NT5DC3: variants seen among roughly 807,000 people sequenced by gnomAD.
NT5DC3 encodes the protein 5'-nucleotidase domain containing 3.
Under a neutral mutation model 67.8 loss-of-function variants are expected in NT5DC3, and 42 were observed. The ratio of observed to expected loss-of-function variants is 0.62; its 90% CI spans 0.48 to 0.80. NT5DC3 has a LOEUF of 0.80. NT5DC3 is among the 30% of genes least tolerant of loss of function. The pLI is 0.00. For missense variants in NT5DC3, 570 were observed against 696.4 expected (o/e 0.82, Z 2.04); for synonymous variants, 237 against 255.6 (o/e 0.93, Z 0.69).
chr12:103,831,007 G>C (rs116019718), intron 1 of NT5DC3, among the ~76,000 whole-genome samples: 169 of 152,298 alleles, frequency 1.1e-3, no homozygotes, highest in African/African-American at 4.0e-3. Flanking sequence ...TATTTATCCA[G>C]AGAGTTTGCA....
At chr12:103,824,710 G>A (rs959237893) in intron 1 of NT5DC3, among the ~76,000 whole-genome samples, 5 of 113,818 alleles carry the variant, frequency 4.4e-5, no homozygotes, top group African/African-American at 9.2e-5. Context: ...ACACAATAAA[G>A]GCAATGAGCA....
the NT5DC3 span, chr12:103,759,013 C>A: frequency 6.5e-7 from 1 of 1,531,414 alleles, no homozygotes; most frequent in Non-Finnish European, 9.0e-7. Context: ...TCCTGATCTC[C>A]ACATGGAGGC....
intron 1 of NT5DC3, among the ~76,000 whole-genome samples, chr12:103,837,613 T>G (rs1888206001): frequency 6.6e-6 from 1 of 152,212 alleles, no homozygotes; most frequent in Non-Finnish European, 1.5e-5. Flanking sequence ...AAGTTCAAAG[T>G]TCCACAAATC....
At chr12:103,758,131 C>G in the NT5DC3 span, 58 of 1,612,874 alleles carry the variant, frequency 3.6e-5, no homozygotes, top group Non-Finnish European at 4.4e-5. Context: ...CCCTGCACAC[C>G]AGGGCTGGCC....
the NT5DC3 span, among the ~76,000 whole-genome samples, chr12:103,749,841 C>CAAAAAAAAAAAAAA: frequency 6.5e-4 from 33 of 51,160 alleles, 1 homozygote; most frequent in Admixed American, 1.0e-3. Flanking sequence ...CTCTGTCTCA[C>CAAAAAAAAAAAAAA]AAAAAAAAAA....
At chr12:103,749,120 G>A in the NT5DC3 span, 1 of 1,610,126 alleles carries the variant, frequency 6.2e-7, no homozygotes, top group Non-Finnish European at 8.5e-7. Context: ...TTAACGGAGG[G>A]TGTCACGAGC....
At chr12:103,749,006 G>A in the NT5DC3 span, 56 of 1,613,988 alleles carry the variant, frequency 3.5e-5, no homozygotes, top group Non-Finnish European at 4.6e-5. Flanking sequence ...GTGCAAAGGT[G>A]GCCAGATGCT....
At chr12:103,766,030 TGAA>T (rs1201997474), downstream of NT5DC3, 10 of 639,378 alleles carry the variant, frequency 1.6e-5, no homozygotes, top group Non-Finnish European at 2.6e-5. Flanking sequence ...CCTTTGTAGA[TGAA>T]GAAACTGCAG....
intron 2 of NT5DC3, among the ~76,000 whole-genome samples, chr12:103,811,497 T>C (rs995941643): frequency 3.3e-5 from 5 of 151,968 alleles, no homozygotes; most frequent in Non-Finnish European, 7.4e-5. Context: ...AGGCTAATCA[T>C]AAGGAAAACG....
chr12:103,750,704 C>T, the NT5DC3 span: 20 of 1,613,508 alleles, frequency 1.2e-5, no homozygotes, highest in Middle Eastern at 1.6e-4. Context: ...CCAAATGTGT[C>T]GACCTCCACT....
At chr12:103,806,815 A>G in intron 3 of NT5DC3, 40 bp downstream of exon 3, 1 of 1,231,018 alleles carries the variant, frequency 8.1e-7, no homozygotes, top group Non-Finnish European at 1.2e-6. Context: ...TCATTTCCAA[A>G]CATCATTAAA....
Position 103,836,743 on chromosome 12 carries a change from T to G in NT5DC3, c.208+4206A>C, listed in dbSNP as rs563908464. On this transcript the variant is annotated intron_variant, in intron 1 of 13. Coordinates refer to ENST00000392876, the MANE Select transcript of NT5DC3 (RefSeq NM_001031701.3). ...TATCGGCATGACATCCAGGTCACACTGATGCAAGAGGTGGGTTCCCATGCT... is the reference window on the plus strand; with the variant it reads ...TATCGGCATGACATCCAGGTCACACGGATGCAAGAGGTGGGTTCCCATGCT... Among the ~76,000 whole-genome samples, 8 of 152,308 alleles carry G rather than the reference T, an allele frequency of 5.3e-5. No individual in the cohort carries two copies. In the South Asian group the frequency reaches 1.7e-3, roughly 32 times the overall value.
At chr12:103,788,513 T>C (rs973191962) in intron 10 of NT5DC3, among the ~76,000 whole-genome samples, 1 of 152,188 alleles carries the variant, frequency 6.6e-6, no homozygotes, top group Non-Finnish European at 1.5e-5. Context: ...AATTAGTAAT[T>C]TGAGTGAATA....
At chr12:103,809,643 G>C (rs974085976) in intron 2 of NT5DC3, among the ~76,000 whole-genome samples, 3 of 152,166 alleles carry the variant, frequency 2.0e-5, no homozygotes, top group Non-Finnish European at 4.4e-5. Context: ...AACACCATTA[G>C]ATTTCTTGGG....
At chr12:103,825,073 A>G (rs1887635088) in intron 1 of NT5DC3, among the ~76,000 whole-genome samples, 1 of 149,534 alleles carries the variant, frequency 6.7e-6, no homozygotes, top group Non-Finnish European at 1.5e-5. Context: ...GGGGCTGGGC[A>G]TGCCCCCCCG....
chr12:103,793,390 T>C lies in NT5DC3; in HGVS notation c.917+20A>G. 4 of 1,600,854 alleles carry C rather than the reference T, an allele frequency of 2.5e-6. No individual in the cohort carries two copies. Among genetic ancestry groups the C allele is most frequent in the Non-Finnish European group, 3.4e-6 (4 of 1,167,974 alleles). Reference sequence around the variant, plus strand: ...CAAGGAGTGTGCCAGAAGCTAGCAATGAAACACAGAGCAACTTACACAAAG... The same window carrying C: ...CAAGGAGTGTGCCAGAAGCTAGCAACGAAACACAGAGCAACTTACACAAAG... On this transcript the variant is annotated intron_variant, in intron 8 of 13. Coordinates refer to ENST00000392876, the MANE Select transcript of NT5DC3 (RefSeq NM_001031701.3).
chr12:103,758,249 C>T, the NT5DC3 span: 2 of 1,614,076 alleles, frequency 1.2e-6, no homozygotes, highest in Non-Finnish European at 1.7e-6. Flanking sequence ...ATCCGCGGCA[C>T]CCTCTTTGTG....
At chr12:103,791,300 G>C (rs1161096124) in intron 9 of NT5DC3, among the ~76,000 whole-genome samples, 6 of 151,946 alleles carry the variant, frequency 3.9e-5, no homozygotes. Flanking sequence ...AAGAGAGACA[G>C]GGCCCTTCTC....
the NT5DC3 span, among the ~76,000 whole-genome samples, chr12:103,765,206 CCT>C: frequency 2.0e-5 from 3 of 151,870 alleles, no homozygotes; most frequent in Non-Finnish European, 2.9e-5. Context: ...ATGCATACAT[CCT>C]CTCCAATGCA....
Sources: allele counts gnomAD v4.1 joint callset (sites outside exome capture counted in the v4.1 genomes callset), GRCh38; gene constraint gnomAD v4.1.1; transcripts MANE v1.5; gene names NCBI Gene and HGNC (gene_info 2026-07-23, HGNC 2026-07-21).